SOAT2: variants seen among roughly 807,000 people sequenced by gnomAD.
SOAT2 encodes the protein ACAT-2.
Under a neutral mutation model 76.0 loss-of-function variants are expected in SOAT2, and 87 were observed. That is an observed-to-expected ratio of 1.14 (90% confidence interval 0.96 to 1.37). The LOEUF is 1.37. Among genes scored for constraint, SOAT2 ranks in the 40% most tolerant of loss-of-function variants. The probability of loss-of-function intolerance (pLI) is 0.00; values close to 1 mark genes in which losing one functional copy is unlikely to be tolerated. For missense variants in SOAT2, 686 were observed against 682.1 expected, an observed-to-expected ratio of 1.01 and a Z score of -0.06; for synonymous variants, 285 against 275.4, an observed-to-expected ratio of 1.03 and a Z score of -0.34.
intron 12 of SOAT2, 90 bp downstream of exon 12, chr12:53,121,491 T>C: frequency 9.3e-7 from 1 of 1,079,740 alleles, no homozygotes; most frequent in Non-Finnish European, 1.4e-6. Context: ...GTGTGGCAAC[T>C]ACACCACTCA....
intron 7 of SOAT2, among the ~76,000 whole-genome samples, chr12:53,117,040 C>T (rs191203185): frequency 1.1e-3 from 159 of 150,712 alleles, no homozygotes; most frequent in African/African-American, 3.5e-3. Context: ...CTCACTGCAG[C>T]CTCCACCTTC....
chr12:53,119,604 A>T (rs923843198), intron 10 of SOAT2, among the ~76,000 whole-genome samples: 6 of 128,670 alleles, frequency 4.7e-5, no homozygotes, highest in African/African-American at 2.1e-4. Flanking sequence ...TGAACCCTTG[A>T]TGTGGCATCC....
Position 53,105,991 on chromosome 12 carries a change from C to T in SOAT2, c.420C>T (p.Ala140=). Residue 140 remains alanine (A), a synonymous_variant, in exon 5 of 15, where the codon GCC becomes GCT. Transcript: ENST00000301466. ...GLCVFIISTL[A]IDFIDEGRLL... ...GTGTCTTCATCATCAGCACCCTGGC[C>T]ATCGACTTCATTGATGAGGGCAGGT... 1 of 1,613,912 alleles carries T rather than the reference C, an allele frequency of 6.2e-7. No individual in the cohort carries two copies. Among genetic ancestry groups the T allele is most frequent in the Non-Finnish European group, 8.5e-7 (1 of 1,179,856 alleles).
intron 5 of SOAT2, among the ~76,000 whole-genome samples, chr12:53,106,634 G>A (rs1225443783): frequency 6.6e-6 from 1 of 152,244 alleles, no homozygotes; most frequent in African/African-American, 2.4e-5. Context: ...AGATGAACTG[G>A]GGAGGAAGTG....
At chr12:53,117,733 C>T (rs1478707011) in intron 7 of SOAT2, among the ~76,000 whole-genome samples, 1 of 151,996 alleles carries the variant, frequency 6.6e-6, no homozygotes, top group African/African-American at 2.4e-5. Context: ...AGTGCTGGGC[C>T]AGAGGTCCAA....
In SOAT2 at chr12:53,123,230, T is replaced by C. The variant is rs1592280883; in HGVS notation, c.1372+14T>C. 4.3e-6 allele frequency: 7 copies of C among 1,613,372 alleles called. No individual in the cohort carries two copies. The East Asian group carries it at 8.9e-5, about 21-fold the overall frequency. ...TTGTCATTGGAGGTGAGCTGGTCTCTGTGCCACTGGAAGGGAGCCATCCAG... is the reference window on the plus strand; with the variant it reads ...TTGTCATTGGAGGTGAGCTGGTCTCCGTGCCACTGGAAGGGAGCCATCCAG... On this transcript the variant is annotated intron_variant, in intron 13 of 14. Coordinates refer to ENST00000301466, the MANE Select transcript of SOAT2 (RefSeq NM_003578.4).
chr12:53,106,287 T>C (rs1224146727), intron 5 of SOAT2, among the ~76,000 whole-genome samples: 2 of 149,722 alleles, frequency 1.3e-5, no homozygotes, highest in African/African-American at 5.0e-5. Flanking sequence ...TGTGTGTGTG[T>C]GTGCACACAT....
chr12:53,116,940 T>C (rs1231029248), intron 7 of SOAT2, among the ~76,000 whole-genome samples: 1 of 151,098 alleles, frequency 6.6e-6, no homozygotes, highest in African/African-American at 2.4e-5. Flanking sequence ...TTCAACGTTA[T>C]TAATTGGCCC....
intron 5 of SOAT2, among the ~76,000 whole-genome samples, chr12:53,107,590 T>A (rs1176980369): frequency 6.9e-6 from 1 of 145,362 alleles, no homozygotes; most frequent in Non-Finnish European, 1.5e-5. Context: ...CTGAAAAACA[T>A]CAGGCAAGAC....
intron 2 of SOAT2, 144 bp from the exon 3 acceptor site, chr12:53,104,963 C>A: frequency 1.1e-6 from 1 of 926,896 alleles, no homozygotes; most frequent in Non-Finnish European, 1.6e-6. Flanking sequence ...CCACTGAACC[C>A]CCATCCCTGC....
chr12:53,105,394 T>G (rs1429310275), intron 3 of SOAT2, 151 bp downstream of exon 3: 1 of 1,228,666 alleles, frequency 8.1e-7, no homozygotes, highest in Non-Finnish European at 1.1e-6. Flanking sequence ...CTCCATCTAC[T>G]GGGCCTCGCT....
At position 53,117,802 on chromosome 12, in the gene SOAT2, C is replaced by T. The variant is rs76457079; in HGVS notation, c.779-548C>T. Among the ~76,000 whole-genome samples, 950 of 152,216 alleles carry T rather than the reference C, an allele frequency of 6.2e-3. 17 individuals are homozygous for T. The highest frequency in any genetic ancestry group is 0.022 in the African/African-American group (899 of 41,498). ...TATGTATCCCCACACCCCCTCCAGGCCCTGGGCTGTGTGCTCTATGCCTGT... is the reference window on the plus strand; with the variant it reads ...TATGTATCCCCACACCCCCTCCAGGTCCTGGGCTGTGTGCTCTATGCCTGT... On this transcript the variant is annotated intron_variant, in intron 7 of 14. Coordinates refer to ENST00000301466, the MANE Select transcript of SOAT2 (RefSeq NM_003578.4).
chr12:53,109,028 G>A (rs553775663), intron 5 of SOAT2, among the ~76,000 whole-genome samples: 50 of 152,248 alleles, frequency 3.3e-4, no homozygotes, highest in African/African-American at 1.2e-3. Flanking sequence ...CACGAGGTCA[G>A]GAGTTCAAAA....
Position 53,103,494 on chromosome 12 carries a change from C to T in SOAT2, c.-84C>T. ...GAGCTGTCACCTGAGCTGAGTGGGA[C>T]AAGAGCTCTACAGGGCAGGCCACAC... On this transcript the variant is annotated 5_prime_UTR_variant, in exon 1 of 15. Coordinates refer to ENST00000301466, the MANE Select transcript of SOAT2 (RefSeq NM_003578.4). 1.6e-6 allele frequency: 2 copies of T among 1,262,410 alleles called. No homozygotes were observed. Among genetic ancestry groups the T allele is most frequent in the East Asian group, 2.5e-5 (1 of 39,576 alleles). 78.2% of individuals were successfully genotyped at this position (1,262,410 alleles called of 1,614,324 possible).
chr12:53,111,726 A>C (rs11542460), intron 5 of SOAT2, among the ~76,000 whole-genome samples: 28,376 of 152,186 alleles, frequency 0.19, 3,382 homozygotes, highest in African/African-American at 0.35. Flanking sequence ...GCAACTCTTA[A>C]GACATTTCTA....
chr12:53,118,542 C>T, intron 8 of SOAT2, 108 bp downstream of exon 8: 1 of 775,028 alleles, frequency 1.3e-6, no homozygotes. Flanking sequence ...TGGCCACTTT[C>T]TCAGGAAGCA....
chr12:53,104,289 CTTTTTTTT>C lies in SOAT2; in HGVS notation c.138+96_138+103del, dbSNP rs777784995. 25 of 520,808 alleles carry C rather than the reference CTTTTTTTT, an allele frequency of 4.8e-5. No individual in the cohort carries two copies. In the East Asian group the frequency reaches 1.0e-3, roughly 21 times the overall value. The allele number at this position is 520,808 out of a possible 1,614,324, so 32.3% of individuals were successfully genotyped here. ...GAGTGAGGCTTGGTGATAAAGATGA[CTTTTTTTT>C]TTTTTTTTTTTTGAAACAAAGTCTC... On this transcript the variant is annotated intron_variant, in intron 2 of 14. Transcript: ENST00000301466.
chr12:53,112,385 A>G (rs146983183), intron 5 of SOAT2, among the ~76,000 whole-genome samples: 6,368 of 152,118 alleles, frequency 0.042, 245 homozygotes, highest in South Asian at 0.17. Context: ...TGTCTCTACT[A>G]AAAATAAAAA....
intron 5 of SOAT2, among the ~76,000 whole-genome samples, chr12:53,109,640 C>T (rs1003078957): frequency 3.3e-5 from 5 of 152,090 alleles, no homozygotes; most frequent in Non-Finnish European, 5.9e-5. Flanking sequence ...CGCCACCACA[C>T]CCAGCTAATT....
Sources: allele counts gnomAD v4.1 joint callset (sites outside exome capture counted in the v4.1 genomes callset), GRCh38; gene constraint gnomAD v4.1.1; transcripts MANE v1.5; gene names NCBI Gene and HGNC (gene_info 2026-07-23, HGNC 2026-07-21).